Variants in NXNL2 observed in about 807,000 individuals in gnomAD.
NXNL2 encodes nucleoredoxin-like protein 2.
Under a neutral mutation model 11.1 loss-of-function variants are expected in NXNL2, and 7 were observed. The ratio of observed to expected loss-of-function variants is 0.63; its 90% CI spans 0.36 to 1.18. The LOEUF (loss-of-function observed/expected upper bound fraction) is 1.18. Among genes scored for constraint, NXNL2 ranks in the 50% most tolerant of loss-of-function variants. The pLI, the probability that NXNL2 is intolerant of heterozygous loss-of-function variation, is 0.02. For synonymous variants in NXNL2, 109 were observed against 101.8 expected, an observed-to-expected ratio of 1.07 and a Z score of -0.42; for missense variants, 233 against 217.7, an observed-to-expected ratio of 1.07 and a Z score of -0.44.
chr9:88,536,519 C>T (rs763791263), intron 1 of NXNL2, among the ~76,000 whole-genome samples: 6 of 152,104 alleles, frequency 3.9e-5, no homozygotes, highest in Admixed American at 6.5e-5. Context: ...AGGTTTAAAG[C>T]AGGCCTCGTC....
At chr9:88,549,172 T>C (rs764740371), downstream of NXNL2, among the ~76,000 whole-genome samples, 2 of 152,208 alleles carry the variant, frequency 1.3e-5, no homozygotes, top group Non-Finnish European at 2.9e-5. Context: ...TCTCGAGATA[T>C]GCAGACACAT....
At chr9:88,545,823 A>G (rs1333588541), downstream of NXNL2, among the ~76,000 whole-genome samples, 1 of 151,866 alleles carries the variant, frequency 6.6e-6, no homozygotes, top group Admixed American at 6.6e-5. Context: ...CTGGAGTGCA[A>G]TGGCGCGGTC....
Position 88,544,881 on chromosome 9 carries a change from T to C in NXNL2, c.*334T>C, listed in dbSNP as rs1829827038. On this transcript the variant is annotated 3_prime_UTR_variant, in exon 2 of 2. Coordinates refer to ENST00000375854, the MANE Select transcript of NXNL2 (RefSeq NM_001161625.2). ...GTACAAGTCTCTTCAGGTAAAATAA[T>C]ATATTTATTGATAACATTTTCTGGC... The C allele has an allele frequency of 1.0e-6, 1 of 1,004,076 alleles. No individual in the cohort carries two copies. Among genetic ancestry groups the C allele is most frequent in the Non-Finnish European group, 1.2e-6 (1 of 839,736 alleles). The allele number at this position is 1,004,076 out of a possible 1,614,324, so 62.2% of individuals were successfully genotyped here.
intron 1 of NXNL2, among the ~76,000 whole-genome samples, chr9:88,558,519 C>G (rs1023796907): frequency 1.3e-5 from 2 of 152,078 alleles, no homozygotes; most frequent in African/African-American, 4.8e-5. Context: ...ATTAAACAAA[C>G]TTAAGGAGAG....
intron 1 of NXNL2, among the ~76,000 whole-genome samples, chr9:88,583,145 G>A (rs937080675): frequency 6.6e-6 from 1 of 152,190 alleles, no homozygotes; most frequent in Non-Finnish European, 1.5e-5. Flanking sequence ...TGGCAGGCCC[G>A]ACTGGGCTCA....
At chr9:88,550,771 A>G (rs1829919551) in intron 1 of NXNL2, among the ~76,000 whole-genome samples, 1 of 152,170 alleles carries the variant, frequency 6.6e-6, no homozygotes, top group Non-Finnish European at 1.5e-5. Flanking sequence ...CTCTTCTCTG[A>G]GGTCTATGTG....
downstream of NXNL2, among the ~76,000 whole-genome samples, chr9:88,546,062 C>T (rs958696668): frequency 3.4e-4 from 51 of 152,026 alleles, no homozygotes; most frequent in Middle Eastern, 3.4e-3. Context: ...CCACCGTGCC[C>T]GGCCTAATTA....
intron 1 of NXNL2, among the ~76,000 whole-genome samples, chr9:88,568,127 C>G (rs1178137072): frequency 2.6e-5 from 4 of 152,186 alleles, no homozygotes; most frequent in Non-Finnish European, 5.9e-5. Context: ...TAGAGATGAT[C>G]AAGTACACAG....
In NXNL2 at chr9:88,560,962, A is replaced by G. The variant is rs146035594; in HGVS notation, c.303-10125A>G. Among the ~76,000 whole-genome samples the G allele has an allele frequency of 4.8e-3, 736 of 152,308 alleles. 10 individuals carry two copies. The highest frequency in any genetic ancestry group is 0.017 in the African/African-American group (690 of 41,572). On this transcript the variant is annotated intron_variant, in intron 1 of 2. Transcript: ENST00000375855. Reference sequence around the variant, plus strand: ...ATTCATGAGATAGGTGTGCAACATTATCTTTATGCAATTAAAAATATATGT... The same window carrying G: ...ATTCATGAGATAGGTGTGCAACATTGTCTTTATGCAATTAAAAATATATGT...
chr9:88,582,344 C>T (rs1830417722), intron 1 of NXNL2, among the ~76,000 whole-genome samples: 1 of 152,088 alleles, frequency 6.6e-6, no homozygotes, highest in African/African-American at 2.4e-5. Flanking sequence ...TGGCGGGCGC[C>T]TGTAGTCCCA....
rs544788043 is a variant in NXNL2 at position 88,542,016 on chromosome 9, G to A, written c.303-2363G>A. 4.6e-5 allele frequency among the ~76,000 whole-genome samples: 7 copies of A among 152,000 alleles called. No individual in the cohort carries two copies. In the East Asian group the frequency reaches 5.9e-4, roughly 13 times the overall value. On this transcript the variant is annotated intron_variant, in intron 1 of 1. Transcript: ENST00000375854. ...GAGGCCGAGGTAGGCGGATCACGAGGTCAGGAGATCGAGACCATCCTGGCT... is the reference window on the plus strand; with the variant it reads ...GAGGCCGAGGTAGGCGGATCACGAGATCAGGAGATCGAGACCATCCTGGCT...
chr9:88,557,236 T>C (rs988634509), intron 1 of NXNL2, among the ~76,000 whole-genome samples: 8 of 152,194 alleles, frequency 5.3e-5, no homozygotes, highest in Admixed American at 3.9e-4. Flanking sequence ...GTCCTCAACT[T>C]TGTACTGTTG....
chr9:88,575,221 T>C (rs55914607), exon 3 of NXNL2: 40,450 of 923,338 alleles, frequency 0.044, 1,038 homozygotes, highest in African/African-American at 0.098. Context: ...GCTGTGACCA[T>C]GTGACTCAGC....
intron 2 of NXNL2, among the ~76,000 whole-genome samples, chr9:88,572,154 A>G (rs746586484): frequency 6.9e-4 from 104 of 150,520 alleles, no homozygotes; most frequent in Admixed American, 2.0e-4. Context: ...AAGTTCCGTT[A>G]TAATAGCACT....
At position 88,535,243 on chromosome 9, in the gene NXNL2, G is replaced by T. The variant is rs1490895869; in HGVS notation, c.-192G>T. ...CTGGTGTCTGAGTGTCTCATTGTCGGCGCGAACACAATTGCTCCAGCCACA... is the reference window on the plus strand; with the variant it reads ...CTGGTGTCTGAGTGTCTCATTGTCGTCGCGAACACAATTGCTCCAGCCACA... On this transcript the variant is annotated 5_prime_UTR_variant, in exon 1 of 2. Coordinates refer to ENST00000375854, the MANE Select transcript of NXNL2 (RefSeq NM_001161625.2). 1 of 572,342 alleles carries T rather than the reference G, an allele frequency of 1.7e-6. No individual in the cohort carries two copies. The highest frequency in any genetic ancestry group is 3.0e-6 in the Non-Finnish European group (1 of 330,356). The allele number at this position is 572,342 out of a possible 1,614,324, so 35.5% of individuals were successfully genotyped here.
rs775868982 is a variant in NXNL2 at position 88,544,506 on chromosome 9, T to C, written c.430T>C (p.Trp144Arg). The C allele has an allele frequency of 1.9e-5, 29 of 1,550,062 alleles. No homozygotes were observed. In the South Asian group the frequency reaches 3.1e-4, roughly 17 times the overall value. The change falls in exon 2 of 2, where the codon TGG becomes CGG. Residue 144 changes from tryptophan to arginine, a missense_variant. By Grantham distance (101) the Trp-to-Arg change is moderately radical (BLOSUM62 -3). Coordinates refer to ENST00000375854, the MANE Select transcript of NXNL2 (RefSeq NM_001161625.2). The part of the protein sequence containing the change: ...RERGLACFQD[W>R]VEAADIFQNF... ...ACGGGGGTTGGCCTGCTTCCAGGAC[T>C]GGGTGGAGGCGGCCGATATCTTCCA...
chr9:88,548,682 CA>C (rs34096783), downstream of NXNL2, among the ~76,000 whole-genome samples: 2,064 of 78,848 alleles, frequency 0.026, 41 homozygotes, highest in African/African-American at 0.063. Context: ...GACTCTGTCT[CA>C]AAAAAAAAAA....
chr9:88,580,423 A>G (rs1830396206), downstream of NXNL2, among the ~76,000 whole-genome samples: 1 of 152,080 alleles, frequency 6.6e-6, no homozygotes, highest in Admixed American at 6.5e-5. Context: ...CCAAAGTGCT[A>G]GGATTACCTT....
At chr9:88,555,285 A>G (rs575052221) in intron 1 of NXNL2, among the ~76,000 whole-genome samples, 1 of 152,328 alleles carries the variant, frequency 6.6e-6, no homozygotes, top group East Asian at 1.9e-4. Context: ...TATGCTAAAC[A>G]AAGTGTGGAT....
Sources: gnomAD v4.1 joint callset for allele counts (sites outside exome capture counted in the v4.1 genomes callset) on GRCh38, gnomAD v4.1.1 for gene constraint, MANE v1.5 for transcripts, NCBI Gene and HGNC (gene_info 2026-07-23, HGNC 2026-07-21) for gene names.